Variants in SYCP2L observed in about 807,000 individuals in gnomAD.
SYCP2L encodes the protein synaptonemal complex protein 2 like, also known as synaptonemal complex protein 2-like.
In SYCP2L, 98 loss-of-function variants were observed where a neutral mutation model predicts 125.8. The observed-to-expected ratio is 0.78, with a 90% CI of 0.66 to 0.92. SYCP2L has a LOEUF of 0.92. Among genes scored for constraint, SYCP2L ranks in the 40% least tolerant of loss-of-function variants. SYCP2L has a pLI of 0.00. For missense variants in SYCP2L, 842 were observed against 936.4 expected, an observed-to-expected ratio of 0.90 and a Z score of 1.32; for synonymous variants, 317 against 325.4, an observed-to-expected ratio of 0.97 and a Z score of 0.28.
chr6:10,905,749 C>T (rs1312258376), intron 8 of SYCP2L, among the ~76,000 whole-genome samples: 2 of 152,116 alleles, frequency 1.3e-5, no homozygotes, highest in Non-Finnish European at 2.9e-5. Context: ...CCTTAGAGAT[C>T]ATCAAATTGA....
At chr6:10,951,086 T>C (rs980022619) in intron 23 of SYCP2L, among the ~76,000 whole-genome samples, 17 of 152,060 alleles carry the variant, frequency 1.1e-4, no homozygotes, top group Admixed American at 5.9e-4. Flanking sequence ...ATAGACACAC[T>C]CCATAAGTAT....
Position 10,971,586 on chromosome 6 carries a change from A to G in SYCP2L, c.*38-2366A>G, listed in dbSNP as rs1367157255. 3.3e-5 allele frequency among the ~76,000 whole-genome samples: 5 copies of G among 152,138 alleles called. No individual in the cohort carries two copies. The East Asian group carries it at 9.6e-4, about 29-fold the overall frequency. Reference sequence around the variant, plus strand: ...TCCTCTTATCCATGATCCAGAGACAACCACCTCTTGATAGTTGGGAGTATA... The same window carrying G: ...TCCTCTTATCCATGATCCAGAGACAGCCACCTCTTGATAGTTGGGAGTATA... On this transcript the variant is annotated intron_variant, in intron 29 of 29. Coordinates refer to ENST00000283141, the MANE Select transcript of SYCP2L (RefSeq NM_001040274.3).
At position 10,912,222 on chromosome 6, in the gene SYCP2L, T is replaced by G. The variant is rs59177473; in HGVS notation, c.919-451T>G. Among the ~76,000 whole-genome samples, 2,110 of 152,270 alleles carry G rather than the reference T, an allele frequency of 0.014. 48 individuals are homozygous for G. The highest frequency in any genetic ancestry group is 0.046 in the African/African-American group (1,928 of 41,552). On this transcript the variant is annotated intron_variant, in intron 12 of 29. Transcript: ENST00000283141. The surrounding 1 kb of genome is among the most constrained non-coding windows in gnomAD (Gnocchi z 4.1). ...TCTATTTATTTTAGAATAATTAAAATGAAGGAAATTTGAAGTCTTCAAGTC... is the reference window on the plus strand; with the variant it reads ...TCTATTTATTTTAGAATAATTAAAAGGAAGGAAATTTGAAGTCTTCAAGTC...
intron 25 of SYCP2L, 52 bp from the exon 26 acceptor site, chr6:10,958,732 C>G (rs1781545692): frequency 3.0e-5 from 45 of 1,519,336 alleles, no homozygotes; most frequent in Non-Finnish European, 3.9e-5. Context: ...ATGCACTCAA[C>G]TTATGTAATT....
chr6:10,956,395 A>G (rs541576951), intron 25 of SYCP2L, among the ~76,000 whole-genome samples, 153 bp downstream of exon 25: 1 of 152,308 alleles, frequency 6.6e-6, no homozygotes, highest in South Asian at 2.1e-4. Flanking sequence ...GGTGGTTACC[A>G]GGGGTCAGGG....
At chr6:10,923,017 T>C in intron 14 of SYCP2L, among the ~76,000 whole-genome samples, 1 of 152,242 alleles carries the variant, frequency 6.6e-6, no homozygotes, top group South Asian at 2.1e-4. Flanking sequence ...TTTTGTGTAC[T>C]GAGTCTTCAT....
rs112033532 is a variant in SYCP2L at position 10,904,971 on chromosome 6, G to A, written c.642-1049G>A. 4.7e-3 allele frequency among the ~76,000 whole-genome samples: 716 copies of A among 151,610 alleles called. 5 individuals are homozygous for A. Among genetic ancestry groups the A allele is most frequent in the African/African-American group, 0.016 (669 of 41,322 alleles). On this transcript the variant is annotated intron_variant, in intron 8 of 29. Transcript: ENST00000283141. Reference sequence around the variant, plus strand: ...AGCCTGACCAACATGGTGAAGCCCCGTCTCTCTTAAAAATACAAAACATTA... The same window carrying A: ...AGCCTGACCAACATGGTGAAGCCCCATCTCTCTTAAAAATACAAAACATTA...
At chr6:10,970,143 G>A (rs776514788) in intron 29 of SYCP2L, among the ~76,000 whole-genome samples, 8 of 152,198 alleles carry the variant, frequency 5.3e-5, no homozygotes, top group Non-Finnish European at 8.8e-5. Flanking sequence ...AGGAAACCAA[G>A]TGAAACCTCT....
At chr6:10,923,478 C>T (rs758244805) in intron 14 of SYCP2L, among the ~76,000 whole-genome samples, 7 of 139,040 alleles carry the variant, frequency 5.0e-5, no homozygotes, top group African/African-American at 5.4e-5. Flanking sequence ...CTCCGCTTAG[C>T]GGGTTCAAGC....
At chr6:10,910,957 C>A in intron 12 of SYCP2L, 88 bp downstream of exon 12, 1 of 1,427,782 alleles carries the variant, frequency 7.0e-7, no homozygotes, top group South Asian at 1.2e-5. Context: ...CTTTTGCTCT[C>A]ATAACTCAAA....
intron 21 of SYCP2L, among the ~76,000 whole-genome samples, chr6:10,940,770 G>A (rs980922199): frequency 2.6e-5 from 4 of 152,164 alleles, no homozygotes; most frequent in African/African-American, 9.7e-5. Context: ...CACAGGTAGT[G>A]ATGGATGTGT....
At chr6:10,957,284 G>T (rs1781516533) in intron 25 of SYCP2L, among the ~76,000 whole-genome samples, 1 of 152,182 alleles carries the variant, frequency 6.6e-6, no homozygotes, top group Non-Finnish European at 1.5e-5. Context: ...TTGGGGAGGG[G>T]TATTTGTCTT....
chr6:10,899,545 CAAAAA>C (rs898446307), intron 6 of SYCP2L, among the ~76,000 whole-genome samples: 4 of 151,376 alleles, frequency 2.6e-5, no homozygotes, highest in Non-Finnish European at 5.9e-5. Flanking sequence ...GATCCTGTCT[CAAAAA>C]AAAGTAATTT....
chr6:10,893,845 T>G (rs1334381193), intron 2 of SYCP2L, 22 bp from the exon 3 acceptor site: 1 of 1,599,488 alleles, frequency 6.3e-7, no homozygotes. Flanking sequence ...AAAAAGTAAT[T>G]TGCAAACTAT....
chr6:10,926,981 A>G (rs185260696), intron 16 of SYCP2L, among the ~76,000 whole-genome samples: 119 of 152,156 alleles, frequency 7.8e-4, no homozygotes, highest in African/African-American at 2.7e-3. Context: ...GGATTTTGCC[A>G]TGTTGGCCAG....
intron 29 of SYCP2L, among the ~76,000 whole-genome samples, chr6:10,971,336 T>C (rs1781767315): frequency 6.6e-6 from 1 of 151,604 alleles, no homozygotes; most frequent in South Asian, 2.1e-4. Flanking sequence ...CACGAGGCTG[T>C]AGTCCAAGCT....
chr6:10,891,417 AATTT>A, intron 1 of SYCP2L, 92 bp from the exon 2 acceptor site: 1 of 717,980 alleles, frequency 1.4e-6, no homozygotes, highest in Non-Finnish European at 2.1e-6. Context: ...ACAAACCTTT[AATTT>A]TTTTTTTTTT....
chr6:10,903,284 C>T (rs777485962), intron 8 of SYCP2L, among the ~76,000 whole-genome samples: 9 of 152,056 alleles, frequency 5.9e-5, no homozygotes, highest in Non-Finnish European at 8.8e-5. Flanking sequence ...CGTGGTGGCT[C>T]ACGCCTGTAA....
chr6:10,955,932 A>G (rs569707011), intron 24 of SYCP2L, among the ~76,000 whole-genome samples: 3 of 152,206 alleles, frequency 2.0e-5, no homozygotes, highest in Non-Finnish European at 4.4e-5. Context: ...ACAAAATGTC[A>G]GTTGCCCCGA....
Sources: gnomAD v4.1 joint callset for allele counts (sites outside exome capture counted in the v4.1 genomes callset) on GRCh38, gnomAD v4.1.1 for gene constraint, Gnocchi (gnomAD v3.1) non-coding constraint, MANE v1.5 for transcripts, NCBI Gene and HGNC (gene_info 2026-07-23, HGNC 2026-07-21) for gene names.